Variants in AFG2A observed in about 807,000 individuals in gnomAD.
The protein encoded by AFG2A is ATPase family gene 2 protein homolog A.
At chr4:123,178,083 C>T in the AFG2A span, among the ~76,000 whole-genome samples, 6 of 152,160 alleles carry the variant, frequency 3.9e-5, no homozygotes, top group African/African-American at 1.2e-4. Flanking sequence ...GGAGGAAATA[C>T]AAGACTCTTT....
At chr4:123,003,692 G>T in the AFG2A span, among the ~76,000 whole-genome samples, 6 of 152,062 alleles carry the variant, frequency 3.9e-5, no homozygotes, top group South Asian at 1.2e-3. Flanking sequence ...GTACCCGGCC[G>T]TGTGAGGTGT....
the AFG2A span, among the ~76,000 whole-genome samples, chr4:123,148,769 ATTTT>A: frequency 7.3e-6 from 1 of 136,852 alleles, no homozygotes. Flanking sequence ...CACACACTCT[ATTTT>A]TTTTTTTTTT....
the AFG2A span, among the ~76,000 whole-genome samples, chr4:123,080,461 G>A: frequency 6.6e-6 from 1 of 152,132 alleles, no homozygotes; most frequent in Non-Finnish European, 1.5e-5. Context: ...ATTTTGCTCT[G>A]GCAGCCCCAT....
At chr4:123,143,721 C>T in the AFG2A span, among the ~76,000 whole-genome samples, 1 of 150,308 alleles carries the variant, frequency 6.7e-6, no homozygotes, top group Non-Finnish European at 1.5e-5. Context: ...TAATGCTTTG[C>T]ATTTCTCGGT....
At chr4:122,985,822 T>C in the AFG2A span, among the ~76,000 whole-genome samples, 2 of 151,458 alleles carry the variant, frequency 1.3e-5, no homozygotes, top group Admixed American at 1.3e-4. Context: ...GGTTTGGGGT[T>C]CGGTTTGTTC....
At chr4:123,023,387 A>C in the AFG2A span, among the ~76,000 whole-genome samples, 1 of 152,112 alleles carries the variant, frequency 6.6e-6, no homozygotes, top group East Asian at 1.9e-4. Flanking sequence ...AAAAAGAAAA[A>C]AATAATAATG....
the AFG2A span, among the ~76,000 whole-genome samples, chr4:123,117,613 A>G: frequency 6.6e-6 from 1 of 151,772 alleles, no homozygotes; most frequent in African/African-American, 2.4e-5. Context: ...AGTTGATTTT[A>G]TTTTTTAAAT....
At chr4:123,267,713 G>A in the AFG2A span, among the ~76,000 whole-genome samples, 11 of 152,010 alleles carry the variant, frequency 7.2e-5, no homozygotes, top group African/African-American at 2.7e-4. Flanking sequence ...AACACTGTTA[G>A]ATAAAAACAA....
At chr4:123,297,731 A>G in the AFG2A span, among the ~76,000 whole-genome samples, 1,682 of 146,106 alleles carry the variant, frequency 0.012, 30 homozygotes, top group African/African-American at 0.039. Flanking sequence ...AAAAAAAAAG[A>G]AAAGAAAAAA....
the AFG2A span, among the ~76,000 whole-genome samples, chr4:123,030,245 T>C: frequency 6.6e-6 from 1 of 152,212 alleles, no homozygotes; most frequent in Admixed American, 6.5e-5. Flanking sequence ...CTTATTTTCT[T>C]ACAAACTAGT....
the AFG2A span, among the ~76,000 whole-genome samples, chr4:123,141,591 A>G: frequency 1.3e-5 from 2 of 152,230 alleles, no homozygotes; most frequent in Admixed American, 1.3e-4. Context: ...GGCTGGGCTA[A>G]GCTATGATGT....
At chr4:122,968,087 T>C in the AFG2A span, among the ~76,000 whole-genome samples, 1 of 152,102 alleles carries the variant, frequency 6.6e-6, no homozygotes, top group Non-Finnish European at 1.5e-5. Context: ...GCTTCTCCCA[T>C]TATTACTGTC....
the AFG2A span, among the ~76,000 whole-genome samples, chr4:123,200,154 T>A: frequency 3.3e-5 from 5 of 152,202 alleles, no homozygotes; most frequent in Non-Finnish European, 7.3e-5. Context: ...GTATGGCAAT[T>A]CACATATTAT....
chr4:122,975,471 C>T, the AFG2A span, among the ~76,000 whole-genome samples: 1 of 152,200 alleles, frequency 6.6e-6, no homozygotes, highest in South Asian at 2.1e-4. Flanking sequence ...TGAGATTTTA[C>T]TCTACTTTTA....
the AFG2A span, among the ~76,000 whole-genome samples, chr4:123,046,030 G>A: frequency 6.6e-6 from 1 of 151,898 alleles, no homozygotes; most frequent in East Asian, 1.9e-4. Flanking sequence ...CTGGGAAGCA[G>A]AGGTTGTAGT....
chr4:123,025,281 C>T, the AFG2A span, among the ~76,000 whole-genome samples: 1 of 152,192 alleles, frequency 6.6e-6, no homozygotes, highest in South Asian at 2.1e-4. Flanking sequence ...TCCAGAGACA[C>T]AGCAAGTAGA....
the AFG2A span, among the ~76,000 whole-genome samples, chr4:123,154,234 T>C: frequency 6.6e-6 from 1 of 152,046 alleles, no homozygotes; most frequent in African/African-American, 2.4e-5. Context: ...CTTTTTTTTT[T>C]CTCATTTTCC....
At chr4:123,160,898 T>C in the AFG2A span, among the ~76,000 whole-genome samples, 1 of 152,126 alleles carries the variant, frequency 6.6e-6, no homozygotes, top group South Asian at 2.1e-4. Flanking sequence ...CAATAATTAA[T>C]AATAAAGTAG....
the AFG2A span, among the ~76,000 whole-genome samples, chr4:123,102,691 A>G: frequency 6.6e-6 from 1 of 151,876 alleles, no homozygotes; most frequent in Non-Finnish European, 1.5e-5. Flanking sequence ...ATCTGGGACT[A>G]TATGTTGAAT....
Sources: allele counts gnomAD v4.1 joint callset (sites outside exome capture counted in the v4.1 genomes callset), GRCh38; gene constraint gnomAD v4.1.1; transcripts MANE v1.5; gene names NCBI Gene and HGNC (gene_info 2026-07-23, HGNC 2026-07-21).